FBN1: variants seen among roughly 807,000 people sequenced by gnomAD.
The protein encoded by FBN1 is fibrillin 1, also known as fibrillin-1.
A neutral mutation model predicts 365.1 loss-of-function variants in FBN1; 29 were observed. The ratio of observed to expected loss-of-function variants is 0.08; its 90% CI spans 0.06 to 0.11. FBN1 has a LOEUF of 0.11. FBN1 is among the 10% of genes least tolerant of loss of function. FBN1 has a pLI of 1.00. For synonymous variants in FBN1, 1,210 were observed against 1,270.5 expected (o/e 0.95, Z 1.01); for missense variants, 2,476 against 3,703.2 (o/e 0.67, Z 8.60).
chr15:48,496,696 C>A (rs1344884260), intron 19 of FBN1, among the ~76,000 whole-genome samples: 2 of 152,098 alleles, frequency 1.3e-5, no homozygotes, highest in East Asian at 3.8e-4. Context: ...TTCAAATTGT[C>A]TCCAGGTATG....
chr15:48,410,675 C>A lies in FBN1; in HGVS notation c.*315G>T. Reference sequence around the variant, plus strand: ...AGTCCATCAATTGAAAGCACATTCCCGTACGTTTGCTGGAAGGATGGCATG... The same window carrying A: ...AGTCCATCAATTGAAAGCACATTCCAGTACGTTTGCTGGAAGGATGGCATG... On this transcript the variant is annotated 3_prime_UTR_variant, in exon 66 of 66. Transcript: ENST00000316623. 6.0e-6 allele frequency: 2 copies of A among 334,900 alleles called. No homozygotes were observed. The highest frequency in any genetic ancestry group is 4.1e-5 in the South Asian group (1 of 24,404). 20.7% of individuals were successfully genotyped at this position (334,900 alleles called of 1,614,324 possible).
At chr15:48,615,726 T>G (rs1348073807) in intron 2 of FBN1, among the ~76,000 whole-genome samples, 1 of 151,880 alleles carries the variant, frequency 6.6e-6, no homozygotes, top group East Asian at 1.9e-4. Flanking sequence ...ACATAAAAGT[T>G]ATACTAAAAC....
intron 63 of FBN1, among the ~76,000 whole-genome samples, chr15:48,417,724 C>T (rs899568965): frequency 3.3e-5 from 5 of 152,150 alleles, no homozygotes; most frequent in Non-Finnish European, 7.3e-5. Context: ...AAATTGAGGA[C>T]GAAGTGTGCA....
chr15:48,429,817 T>C (rs1254485578), intron 56 of FBN1, among the ~76,000 whole-genome samples: 1 of 152,258 alleles, frequency 6.6e-6, no homozygotes, highest in African/African-American at 2.4e-5. Context: ...ATTCTTAATC[T>C]TCTTGAATGA....
At chr15:48,626,729 T>C (rs1407300907) in intron 2 of FBN1, among the ~76,000 whole-genome samples, 1 of 152,104 alleles carries the variant, frequency 6.6e-6, no homozygotes, top group Non-Finnish European at 1.5e-5. Context: ...AATTTTGAAA[T>C]TGAAACAAAG....
At chr15:48,443,146 T>C (rs2043129482) in intron 49 of FBN1, among the ~76,000 whole-genome samples, 1 of 152,192 alleles carries the variant, frequency 6.6e-6, no homozygotes, top group Non-Finnish European at 1.5e-5. Flanking sequence ...TGTTATTGGG[T>C]TGCATTTATA....
In FBN1 at chr15:48,505,853, GT is replaced by G. The variant is rs1326264225; in HGVS notation, c.1838-707del. On this transcript the variant is annotated intron_variant, in intron 15 of 65. Coordinates refer to ENST00000316623, the MANE Select transcript of FBN1 (RefSeq NM_000138.5). ...GGACACATATTAATAATAGCAGAGGGTTTTTTCCCCCCTTAATATGGGGAAG... is the reference window on the plus strand; with the variant it reads ...GGACACATATTAATAATAGCAGAGGGTTTTTCCCCCCTTAATATGGGGAAG... Among the ~76,000 whole-genome samples the G allele has an allele frequency of 1.3e-4, 20 of 152,274 alleles. No individual in the cohort carries two copies. In the South Asian group the frequency reaches 1.5e-3, roughly 11 times the overall value.
intron 6 of FBN1, among the ~76,000 whole-genome samples, chr15:48,569,576 A>T (rs573441931): frequency 4.6e-5 from 7 of 152,320 alleles, no homozygotes; most frequent in African/African-American, 1.7e-4. Flanking sequence ...CAAAATGTCC[A>T]TCAGCTGGTG....
At chr15:48,521,106 G>C (rs911248146) in intron 9 of FBN1, among the ~76,000 whole-genome samples, 17 of 152,234 alleles carry the variant, frequency 1.1e-4, no homozygotes, top group African/African-American at 4.1e-4. Context: ...TAGGAAAAGA[G>C]AGACTAAGAA....
chr15:48,471,883 C>G (rs770280317), intron 35 of FBN1, among the ~76,000 whole-genome samples: 2 of 152,210 alleles, frequency 1.3e-5, no homozygotes, highest in Non-Finnish European at 2.9e-5. Flanking sequence ...TGGGATCCAG[C>G]CTTAGCTAAC....
chr15:48,601,228 T>G (rs548018914), intron 4 of FBN1, among the ~76,000 whole-genome samples: 1 of 152,184 alleles, frequency 6.6e-6, no homozygotes, highest in Non-Finnish European at 1.5e-5. Flanking sequence ...CACGGGCTCA[T>G]AGTGAGCAAT....
At chr15:48,587,192 C>G (rs2140697447) in intron 6 of FBN1, among the ~76,000 whole-genome samples, 1 of 152,266 alleles carries the variant, frequency 6.6e-6, no homozygotes, top group Non-Finnish European at 1.5e-5. Flanking sequence ...AAACCAAAAA[C>G]AGCATAGACT....
chr15:48,438,898 C>G (rs1343948082), intron 50 of FBN1, among the ~76,000 whole-genome samples: 2 of 152,148 alleles, frequency 1.3e-5, no homozygotes, highest in African/African-American at 4.8e-5. Flanking sequence ...TTCCAAAACT[C>G]CTCTCATTAC....
intron 31 of FBN1, among the ~76,000 whole-genome samples, chr15:48,482,684 C>G (rs1337220318): frequency 6.6e-6 from 1 of 152,148 alleles, no homozygotes; most frequent in East Asian, 1.9e-4. Context: ...AAAGCAATGC[C>G]AGAGATTTGC....
intron 34 of FBN1, 66 bp downstream of exon 34, chr15:48,474,189 T>C (rs2043400420): frequency 6.3e-7 from 1 of 1,598,004 alleles, no homozygotes; most frequent in Non-Finnish European, 8.6e-7. Context: ...ATTGCTAGCC[T>C]GAGAAATGTG....
intron 9 of FBN1, among the ~76,000 whole-genome samples, chr15:48,525,533 C>G (rs1043340964): frequency 2.6e-5 from 4 of 152,192 alleles, no homozygotes; most frequent in Non-Finnish European, 4.4e-5. Flanking sequence ...CCACTCAGCT[C>G]TCTCCCTTTT....
At chr15:48,608,962 C>T (rs1408259700) in intron 4 of FBN1, among the ~76,000 whole-genome samples, 2 of 152,214 alleles carry the variant, frequency 1.3e-5, no homozygotes, top group African/African-American at 2.4e-5. Flanking sequence ...TGCCATCTGG[C>T]TATATTTCTT....
chr15:48,453,286 AAAAC>A (rs2043215061), intron 44 of FBN1, among the ~76,000 whole-genome samples: 2 of 80,252 alleles, frequency 2.5e-5, no homozygotes, highest in Non-Finnish European at 4.9e-5. Context: ...AACAAAAAAT[AAAAC>A]AAACAAAAAA....
intron 6 of FBN1, among the ~76,000 whole-genome samples, chr15:48,591,825 G>A (rs1302545682): frequency 6.6e-6 from 1 of 152,080 alleles, no homozygotes; most frequent in African/African-American, 2.4e-5. Flanking sequence ...AGTTACGAGT[G>A]GCCCCTTTCC....
Sources: allele counts gnomAD v4.1 joint callset (sites outside exome capture counted in the v4.1 genomes callset), GRCh38; gene constraint gnomAD v4.1.1; transcripts MANE v1.5; gene names NCBI Gene and HGNC (gene_info 2026-07-23, HGNC 2026-07-21).